The following SRGAP3 variants were observed in gnomAD, a reference collection of about 807,000 sequenced individuals.
SRGAP3 encodes SLIT-ROBO Rho GTPase activating protein 3.
A neutral mutation model predicts 121.1 loss-of-function variants in SRGAP3; 39 were observed. The observed-to-expected ratio is 0.32, with a 90% CI of 0.25 to 0.42. The LOEUF (loss-of-function observed/expected upper bound fraction) is 0.42. SRGAP3 is among the 10% of genes least tolerant of loss of function. SRGAP3 has a pLI of 1.00. For missense variants in SRGAP3, 1,213 were observed against 1,470.6 expected (o/e 0.82, Z 2.86); for synonymous variants, 601 against 570.0 (o/e 1.05, Z -0.77).
chr3:9,005,980 C>T (rs949505170), intron 18 of SRGAP3, among the ~76,000 whole-genome samples: 15 of 152,270 alleles, frequency 9.9e-5, no homozygotes, highest in African/African-American at 2.9e-4. Context: ...CAGGGTCCTT[C>T]GTAGGTATAA....
chr3:9,124,456 T>C (rs181151354), intron 2 of SRGAP3, among the ~76,000 whole-genome samples: 4 of 152,340 alleles, frequency 2.6e-5, no homozygotes, highest in Middle Eastern at 3.4e-3. Context: ...CAACAATTGA[T>C]TGAGCACCTA....
At chr3:9,096,977 A>ATATATATATG (rs1948006912) in intron 3 of SRGAP3, among the ~76,000 whole-genome samples, 1 of 94,408 alleles carries the variant, frequency 1.1e-5, no homozygotes, top group Non-Finnish European at 2.1e-5. Context: ...ATATATATAT[A>ATATATATATG]TATACACATA....
At chr3:9,022,342 T>A (rs1943969140) in intron 14 of SRGAP3, among the ~76,000 whole-genome samples, 1 of 151,954 alleles carries the variant, frequency 6.6e-6, no homozygotes, top group Non-Finnish European at 1.5e-5. Context: ...ACTAACTAAA[T>A]AAATAAATAA....
chr3:9,019,710 T>TA (rs1404123103), intron 14 of SRGAP3, among the ~76,000 whole-genome samples: 1 of 152,184 alleles, frequency 6.6e-6, no homozygotes, highest in Non-Finnish European at 1.5e-5. Context: ...CAGTATGAAT[T>TA]AGAGAACGGT....
At chr3:9,287,744 C>T (rs1954800515) in intron 3 of SRGAP3, among the ~76,000 whole-genome samples, 1 of 152,102 alleles carries the variant, frequency 6.6e-6, no homozygotes, top group South Asian at 2.1e-4. Flanking sequence ...ACTTGTACCC[C>T]CTAAATACAT....
At chr3:9,080,777 C>A (rs935427748) in intron 3 of SRGAP3, among the ~76,000 whole-genome samples, 3 of 152,160 alleles carry the variant, frequency 2.0e-5, no homozygotes, top group Admixed American at 2.0e-4. Flanking sequence ...CTAGGTTGCA[C>A]GCTCCTTATG....
chr3:9,361,372 G>A (rs187303700), intron 1 of SRGAP3, among the ~76,000 whole-genome samples: 2 of 152,272 alleles, frequency 1.3e-5, no homozygotes, highest in South Asian at 2.1e-4. Flanking sequence ...CCAAAGCGCT[G>A]GGACTACAGG....
intron 18 of SRGAP3, among the ~76,000 whole-genome samples, chr3:9,005,295 T>C (rs1314640160): frequency 1.3e-5 from 2 of 152,190 alleles, no homozygotes; most frequent in African/African-American, 4.8e-5. Context: ...AGCAAGGATA[T>C]GGATAAATTG....
chr3:9,182,200 A>AAAAAAC (rs1491306717), intron 1 of SRGAP3, among the ~76,000 whole-genome samples: 57 of 146,388 alleles, frequency 3.9e-4, no homozygotes, highest in Non-Finnish European at 7.6e-4. Context: ...AAAAAAAAAA[A>AAAAAAC]ACACAAAAAA....
At chr3:9,080,674 C>A (rs1024635574) in intron 3 of SRGAP3, among the ~76,000 whole-genome samples, 1 of 152,148 alleles carries the variant, frequency 6.6e-6, no homozygotes. Flanking sequence ...GGTGGGTGAG[C>A]GGGCATTACC....
chr3:9,062,581 T>G (rs759987981), intron 5 of SRGAP3, among the ~76,000 whole-genome samples: 9 of 152,236 alleles, frequency 5.9e-5, no homozygotes, highest in Non-Finnish European at 1.3e-4. Context: ...TCTATTTCCA[T>G]AGATTTGTCT....
intron 15 of SRGAP3, among the ~76,000 whole-genome samples, chr3:9,015,335 T>C (rs1943581997): frequency 6.6e-6 from 1 of 152,118 alleles, no homozygotes. Context: ...CTCCCAGCAC[T>C]CTCTCTTGGC....
At chr3:9,356,863 C>A (rs941056741) in intron 1 of SRGAP3, among the ~76,000 whole-genome samples, 4 of 152,142 alleles carry the variant, frequency 2.6e-5, no homozygotes, top group African/African-American at 7.2e-5. Flanking sequence ...CAAATCAGGT[C>A]AAGAGAATAT....
chr3:9,103,608 G>A (rs1349852135), intron 3 of SRGAP3, among the ~76,000 whole-genome samples: 1 of 152,184 alleles, frequency 6.6e-6, no homozygotes, highest in Non-Finnish European at 1.5e-5. Context: ...AAACCACTTT[G>A]CAATAATGCC....
chr3:8,983,225 A>G lies in SRGAP3; in HGVS notation c.*2294T>C, dbSNP rs1180276064. ...TCAAATCTTGGGCAGGTCACAGCAC[A>G]GCCCAAGGCCTTACTCTCTTAAGCT... is the stretch of plus-strand genomic sequence containing the variant. On this transcript the variant is annotated 3_prime_UTR_variant, in exon 22 of 22. Coordinates refer to ENST00000383836, the MANE Select transcript of SRGAP3 (RefSeq NM_014850.4). 3 of 227,036 alleles carry G rather than the reference A, an allele frequency of 1.3e-5. No individual in the cohort carries two copies. The highest frequency in any genetic ancestry group is 2.6e-5 in the Non-Finnish European group (3 of 114,312). 14.1% of individuals were successfully genotyped at this position (227,036 alleles called of 1,614,324 possible). A position where few individuals can be genotyped will look rare whatever the true frequency, so the allele number is the denominator to read the frequency against.
chr3:9,010,507 A>G (rs905857569), intron 17 of SRGAP3, 120 bp from the exon 18 acceptor site: 41 of 1,012,994 alleles, frequency 4.0e-5, no homozygotes, highest in African/African-American at 1.4e-4. Context: ...ATGCAGGCCT[A>G]TACCATCCTA....
intron 1 of SRGAP3, among the ~76,000 whole-genome samples, chr3:9,242,741 G>A (rs1414506877): frequency 6.6e-6 from 1 of 152,232 alleles, no homozygotes; most frequent in African/African-American, 2.4e-5. Flanking sequence ...CCGGAGTACA[G>A]TGGTATGATC....
intron 17 of SRGAP3, among the ~76,000 whole-genome samples, chr3:9,011,579 T>C (rs1943377605): frequency 6.6e-6 from 1 of 152,206 alleles, no homozygotes; most frequent in African/African-American, 2.4e-5. Context: ...CTCAGCTCAG[T>C]CTGCACTTCC....
At chr3:9,337,001 G>T (rs1482575063) in intron 1 of SRGAP3, among the ~76,000 whole-genome samples, 1 of 152,070 alleles carries the variant, frequency 6.6e-6, no homozygotes, top group African/African-American at 2.4e-5. Context: ...CAAGGTGCTA[G>T]GATTACAGGC....
Sources: gnomAD v4.1 joint callset for allele counts (sites outside exome capture counted in the v4.1 genomes callset) on GRCh38, gnomAD v4.1.1 for gene constraint, MANE v1.5 for transcripts, NCBI Gene and HGNC (gene_info 2026-07-23, HGNC 2026-07-21) for gene names.